The following GLI2 variants were observed in gnomAD, a reference collection of about 807,000 sequenced individuals.
GLI2 encodes GLI family zinc finger 2.
Under a neutral mutation model 78.9 loss-of-function variants are expected in GLI2, and 22 were observed. That is an observed-to-expected ratio of 0.28 (90% CI 0.20 to 0.40). The LOEUF (loss-of-function observed/expected upper bound fraction) is 0.40, where lower values mean the gene tolerates loss of function less well. Ranked by LOEUF, GLI2 falls within the 10% of genes least tolerant of loss-of-function variation. The probability of loss-of-function intolerance (pLI) is 1.00; values close to 1 mark genes in which losing one functional copy is unlikely to be tolerated. For missense variants in GLI2, 2,097 were observed against 2,213.2 expected (o/e 0.95, Z 1.05); for synonymous variants, 974 against 963.7 (o/e 1.01, Z -0.20).
intron 2 of GLI2, among the ~76,000 whole-genome samples, chr2:120,895,395 A>T (rs753482599): frequency 6.6e-6 from 1 of 152,208 alleles, no homozygotes; most frequent in Non-Finnish European, 1.5e-5. Flanking sequence ...GTGAATTGTT[A>T]TGAATAAAAA....
chr2:120,757,889 A>G (rs1464450288), intron 1 of GLI2, among the ~76,000 whole-genome samples: 1 of 152,124 alleles, frequency 6.6e-6, no homozygotes, highest in Non-Finnish European at 1.5e-5. Flanking sequence ...CTGAAAAGCC[A>G]TTGTTTCCAT....
chr2:120,897,574 T>C (rs1305758870), intron 2 of GLI2, among the ~76,000 whole-genome samples: 2 of 152,136 alleles, frequency 1.3e-5, no homozygotes, highest in Non-Finnish European at 1.5e-5. Flanking sequence ...GGGTTTCTAG[T>C]CTCCTCTGGA....
intron 2 of GLI2, among the ~76,000 whole-genome samples, chr2:120,829,375 T>A (rs1686246887): frequency 1.3e-5 from 2 of 152,246 alleles, no homozygotes; most frequent in Admixed American, 1.3e-4. Flanking sequence ...TTTCTGAGGC[T>A]GACTTAGCTC....
chr2:120,889,316 G>A (rs1268692869), intron 2 of GLI2, among the ~76,000 whole-genome samples: 1 of 152,206 alleles, frequency 6.6e-6, no homozygotes, highest in African/African-American at 2.4e-5. Context: ...ATGGTTGCAA[G>A]AGACACACCT....
At chr2:120,859,037 C>T (rs1210221830) in intron 2 of GLI2, among the ~76,000 whole-genome samples, 3 of 152,268 alleles carry the variant, frequency 2.0e-5, no homozygotes, top group South Asian at 2.1e-4. Flanking sequence ...CCCCTCCCCT[C>T]GACCTGGCTA....
intron 1 of GLI2, among the ~76,000 whole-genome samples, chr2:120,789,064 A>C (rs1573379422): frequency 7.9e-6 from 1 of 127,122 alleles, no homozygotes; most frequent in African/African-American, 3.2e-5. Flanking sequence ...ACGGAGTCTC[A>C]CTCTGTCGCC....
At chr2:120,950,724 C>G (rs1680938852) in intron 3 of GLI2, among the ~76,000 whole-genome samples, 1 of 152,258 alleles carries the variant, frequency 6.6e-6, no homozygotes, top group Non-Finnish European at 1.5e-5. Flanking sequence ...ACACCAGCAA[C>G]CAACCATCCA....
At chr2:120,913,147 T>G (rs754333398) in intron 2 of GLI2, among the ~76,000 whole-genome samples, 1 of 152,184 alleles carries the variant, frequency 6.6e-6, no homozygotes, top group Non-Finnish European at 1.5e-5. Context: ...ATTTTGTGTA[T>G]TGATGGGACT....
intron 2 of GLI2, among the ~76,000 whole-genome samples, chr2:120,891,483 C>G (rs1339650014): frequency 6.6e-6 from 1 of 152,158 alleles, no homozygotes; most frequent in Admixed American, 6.5e-5. Flanking sequence ...TTTTCAGGAC[C>G]TGGCCCATGG....
chr2:120,840,927 T>C (rs72971958), intron 2 of GLI2, among the ~76,000 whole-genome samples: 19,801 of 152,232 alleles, frequency 0.13, 1,495 homozygotes, highest in Middle Eastern at 0.25. Context: ...GGCTGCTTAG[T>C]GTCAGCTCTC....
chr2:120,988,125 A>T (rs1479713055), intron 13 of GLI2, 83 bp from the exon 14 acceptor site: 2 of 1,222,070 alleles, frequency 1.6e-6, no homozygotes, highest in Non-Finnish European at 2.3e-6. Flanking sequence ...CTCGGGCTCC[A>T]GGCCCAGTGC....
intron 2 of GLI2, among the ~76,000 whole-genome samples, chr2:120,907,534 A>G (rs1232056174): frequency 6.6e-6 from 1 of 152,126 alleles, no homozygotes; most frequent in East Asian, 1.9e-4. Flanking sequence ...TTTGCTTCTC[A>G]CGTTATTCAG....
chr2:120,978,648 AT>A, intron 10 of GLI2, 65 bp downstream of exon 10: 1 of 1,568,258 alleles, frequency 6.4e-7, no homozygotes. Flanking sequence ...GGCCGGGGGG[AT>A]CATGTTTGGA....
chr2:120,820,846 T>C (rs1685736760), intron 2 of GLI2, among the ~76,000 whole-genome samples: 1 of 152,104 alleles, frequency 6.6e-6, no homozygotes, highest in African/African-American at 2.4e-5. Flanking sequence ...CTTCCAGGGT[T>C]TCTCTATGCC....
At chr2:120,758,725 G>A (rs1683113023) in intron 1 of GLI2, among the ~76,000 whole-genome samples, 1 of 152,234 alleles carries the variant, frequency 6.6e-6, no homozygotes, top group Non-Finnish European at 1.5e-5. Flanking sequence ...GGCCTCCTTG[G>A]CTTGCGGGTG....
chr2:120,945,968 C>CACACACACACAT lies in GLI2; in HGVS notation c.255-5264_255-5263insTACACACACACA, dbSNP rs1277108649. Among the ~76,000 whole-genome samples the CACACACACACAT allele has an allele frequency of 6.2e-5, 9 of 144,278 alleles. 1 individual carries two copies. In the East Asian group the frequency reaches 1.6e-3, roughly 25 times the overall value. The allele number at this position is 144,278 out of a possible 152,430, so 94.7% of individuals were successfully genotyped here. A position where few individuals can be genotyped will look rare whatever the true frequency, so the allele number is the denominator to read the frequency against. On this transcript the variant is annotated intron_variant, in intron 3 of 13. Coordinates refer to ENST00000361492, the MANE Select transcript of GLI2 (RefSeq NM_001374353.1). ...CAGGCATAACCTTCTCACACACACA[C>CACACACACACAT]ACACACACACACACACACACACAGC...
At chr2:120,824,923 C>T (rs941984272) in intron 2 of GLI2, among the ~76,000 whole-genome samples, 1 of 152,152 alleles carries the variant, frequency 6.6e-6, no homozygotes, top group Admixed American at 6.5e-5. Flanking sequence ...GTAGCCTCGA[C>T]CACCCGGGCT....
chr2:120,892,497 A>G (rs1002161622), intron 2 of GLI2, among the ~76,000 whole-genome samples: 4 of 152,148 alleles, frequency 2.6e-5, no homozygotes, highest in African/African-American at 9.7e-5. Context: ...GCCCGGTACC[A>G]GCTTGGATGG....
At chr2:120,926,686 T>A (rs1229380881) in intron 2 of GLI2, among the ~76,000 whole-genome samples, 1 of 152,216 alleles carries the variant, frequency 6.6e-6, no homozygotes, top group East Asian at 1.9e-4. Context: ...GCAGGCCAAG[T>A]TCAGACAGGA....
Sources: gnomAD v4.1 joint callset for allele counts (sites outside exome capture counted in the v4.1 genomes callset) on GRCh38, gnomAD v4.1.1 for gene constraint, MANE v1.5 for transcripts, NCBI Gene and HGNC (gene_info 2026-07-23, HGNC 2026-07-21) for gene names.